Variants in ENTREP2 observed in about 807,000 individuals in gnomAD.
The protein encoded by ENTREP2 is protein ENTREP2.
the ENTREP2 span, among the ~76,000 whole-genome samples, chr15:29,501,673 A>T: frequency 3.9e-5 from 6 of 151,998 alleles, no homozygotes; most frequent in Non-Finnish European, 8.8e-5. Flanking sequence ...CCAGGGCAAA[A>T]AAGAATGCTG....
chr15:29,565,691 C>T, the ENTREP2 span, among the ~76,000 whole-genome samples: 1 of 152,082 alleles, frequency 6.6e-6, no homozygotes, highest in Admixed American at 6.5e-5. Context: ...CGGCCGGGTG[C>T]GGTGGCTCAC....
the ENTREP2 span, among the ~76,000 whole-genome samples, chr15:29,557,245 G>C: frequency 6.6e-6 from 1 of 152,140 alleles, no homozygotes; most frequent in Non-Finnish European, 1.5e-5. Flanking sequence ...GTGCTTTCAA[G>C]GGCTCTTTCA....
chr15:29,374,541 C>T, the ENTREP2 span: 2 of 152,094 alleles, frequency 1.3e-5, no homozygotes, highest in Non-Finnish European at 2.9e-5. Flanking sequence ...ATGTTATAAA[C>T]CCCACAATAC....
At chr15:29,543,998 G>A in the ENTREP2 span, among the ~76,000 whole-genome samples, 5 of 151,338 alleles carry the variant, frequency 3.3e-5, no homozygotes, top group Non-Finnish European at 7.4e-5. Flanking sequence ...GAATACAACT[G>A]TATTTTATAT....
chr15:29,333,178 T>C, the ENTREP2 span, among the ~76,000 whole-genome samples: 1 of 152,098 alleles, frequency 6.6e-6, no homozygotes, highest in African/African-American at 2.4e-5. Flanking sequence ...GAAATGGCTA[T>C]GGACACAGTC....
At chr15:29,252,619 A>T in the ENTREP2 span, 3 of 508,386 alleles carry the variant, frequency 5.9e-6, no homozygotes, top group Non-Finnish European at 1.1e-5. Flanking sequence ...GTTTTAAAGG[A>T]AAGTGGTAGG....
At chr15:29,328,864 GTA>G in the ENTREP2 span, among the ~76,000 whole-genome samples, 683 of 152,230 alleles carry the variant, frequency 4.5e-3, 5 homozygotes, top group African/African-American at 0.016. Flanking sequence ...CAGGTTACAG[GTA>G]TATACATGTG....
At chr15:29,560,614 C>G in the ENTREP2 span, among the ~76,000 whole-genome samples, 1 of 152,014 alleles carries the variant, frequency 6.6e-6, no homozygotes, top group Non-Finnish European at 1.5e-5. Context: ...TCCGCCACAC[C>G]TCTGTTTTGG....
At chr15:29,310,838 A>G in the ENTREP2 span, among the ~76,000 whole-genome samples, 1 of 152,242 alleles carries the variant, frequency 6.6e-6, no homozygotes, top group Non-Finnish European at 1.5e-5. Context: ...AAAGTGAGAA[A>G]AACAAGACTA....
At chr15:29,201,587 G>T in the ENTREP2 span, among the ~76,000 whole-genome samples, 2 of 152,110 alleles carry the variant, frequency 1.3e-5, no homozygotes, top group African/African-American at 4.8e-5. Context: ...ACTGATTTTT[G>T]AATATCAAAC....
chr15:29,119,873 C>T, the ENTREP2 span, among the ~76,000 whole-genome samples: 1 of 152,134 alleles, frequency 6.6e-6, no homozygotes, highest in Admixed American at 6.5e-5. Context: ...GGAAGCAGGT[C>T]CCGGGGAGAG....
the ENTREP2 span, chr15:29,268,769 G>A: frequency 1.9e-6 from 3 of 1,577,734 alleles, no homozygotes; most frequent in South Asian, 1.2e-5. Context: ...CCTTGTCCCG[G>A]GGGTCCCTCT....
At chr15:29,219,074 A>C in the ENTREP2 span, among the ~76,000 whole-genome samples, 2 of 152,022 alleles carry the variant, frequency 1.3e-5, no homozygotes, top group African/African-American at 4.8e-5. Flanking sequence ...CAAAGAACTA[A>C]TTTCCAGAAT....
chr15:29,243,677 C>T, the ENTREP2 span, among the ~76,000 whole-genome samples: 212 of 152,008 alleles, frequency 1.4e-3, no homozygotes, highest in African/African-American at 4.6e-3. Flanking sequence ...TAAAGATTTG[C>T]TAAAATGTTT....
chr15:29,174,594 C>T, the ENTREP2 span, among the ~76,000 whole-genome samples: 509 of 151,870 alleles, frequency 3.4e-3, 1 homozygote, highest in African/African-American at 0.012. Flanking sequence ...GAGGCTGAGG[C>T]AGGAGAATGG....
chr15:29,418,576 G>A, the ENTREP2 span, among the ~76,000 whole-genome samples: 15 of 152,200 alleles, frequency 9.9e-5, no homozygotes, highest in African/African-American at 3.4e-4. Flanking sequence ...AAGGCAGTTC[G>A]TGGTTGCACA....
At chr15:29,490,383 CA>C in the ENTREP2 span, among the ~76,000 whole-genome samples, 4 of 151,766 alleles carry the variant, frequency 2.6e-5, no homozygotes, top group African/African-American at 9.7e-5. Flanking sequence ...ACAAAACCTC[CA>C]CAACATGGAA....
the ENTREP2 span, among the ~76,000 whole-genome samples, chr15:29,567,646 C>A: frequency 6.6e-6 from 1 of 152,104 alleles, no homozygotes. Flanking sequence ...GAGGCCCAGT[C>A]CAAACTCAGG....
At chr15:29,286,199 G>C in the ENTREP2 span, among the ~76,000 whole-genome samples, 1 of 151,914 alleles carries the variant, frequency 6.6e-6, no homozygotes, top group South Asian at 2.1e-4. Flanking sequence ...TCAGAAAAAA[G>C]AAATAAAAGT....
Sources: gnomAD v4.1 joint callset for allele counts (sites outside exome capture counted in the v4.1 genomes callset) on GRCh38, gnomAD v4.1.1 for gene constraint, MANE v1.5 for transcripts, NCBI Gene and HGNC (gene_info 2026-07-23, HGNC 2026-07-21) for gene names.